METTL15: variants seen among roughly 807,000 people sequenced by gnomAD.
The protein encoded by METTL15 is methyltransferase 15, mitochondrial 12S rRNA N4-cytidine, also known as 12S rRNA N(4)-cytidine methyltransferase METTL15.
Under a neutral mutation model 38.3 loss-of-function variants are expected in METTL15, and 34 were observed. That is an observed-to-expected ratio of 0.89 (90% CI 0.68 to 1.18). METTL15 has a LOEUF of 1.18. METTL15 is among the 50% of genes most tolerant of loss of function. The pLI is 0.00. For missense variants in METTL15, 438 were observed against 498.4 expected (o/e 0.88, Z 1.15); for synonymous variants, 162 against 170.9 (o/e 0.95, Z 0.41).
At chr11:28,470,335 T>C (rs1298750816) in intron 6 of METTL15, among the ~76,000 whole-genome samples, 1 of 152,152 alleles carries the variant, frequency 6.6e-6, no homozygotes, top group Non-Finnish European at 1.5e-5. Context: ...AAAGACTATA[T>C]TTACCTGACC....
intron 4 of METTL15, among the ~76,000 whole-genome samples, chr11:28,233,650 C>G (rs1263983340): frequency 6.6e-6 from 1 of 151,902 alleles, no homozygotes; most frequent in Admixed American, 6.6e-5. Context: ...GTTACCATAA[C>G]AGTTGTTTCT....
At chr11:28,464,674 T>C (rs151122350) in intron 6 of METTL15, among the ~76,000 whole-genome samples, 181 of 152,296 alleles carry the variant, frequency 1.2e-3, no homozygotes, top group African/African-American at 4.2e-3. Flanking sequence ...CCTCAAATGC[T>C]GTCGTATGCC....
intron 6 of METTL15, among the ~76,000 whole-genome samples, chr11:28,500,594 G>A (rs977427597): frequency 2.4e-4 from 37 of 151,624 alleles, no homozygotes; most frequent in African/African-American, 8.7e-4. Context: ...GTGCAATGGC[G>A]AGATCTCGGC....
intron 6 of METTL15, among the ~76,000 whole-genome samples, chr11:28,445,325 GTCTCA>G (rs1851066304): frequency 1.3e-5 from 2 of 152,032 alleles, no homozygotes; most frequent in Admixed American, 6.5e-5. Flanking sequence ...TGTCATATTT[GTCTCA>G]TCTCTGTGTG....
intron 6 of METTL15, among the ~76,000 whole-genome samples, chr11:28,485,139 A>ACACT (rs397775439): frequency 2.0e-5 from 3 of 150,482 alleles, no homozygotes; most frequent in East Asian, 2.0e-4. Context: ...ACACACACAC[A>ACACT]CTCACACCCC....
chr11:28,281,152 A>G (rs1340753598), intron 4 of METTL15, among the ~76,000 whole-genome samples: 1 of 152,194 alleles, frequency 6.6e-6, no homozygotes, highest in African/African-American at 2.4e-5. Flanking sequence ...TTGGCAGGCA[A>G]TTCATCTAAG....
intron 6 of METTL15, among the ~76,000 whole-genome samples, chr11:28,321,222 A>G (rs142941437): frequency 1.3e-5 from 2 of 152,300 alleles, no homozygotes; most frequent in Non-Finnish European, 2.9e-5. Context: ...GCTTCTGAAC[A>G]TTTTTTAACG....
At chr11:28,518,955 G>A (rs1851741655) in intron 6 of METTL15, 1 of 152,248 alleles carries the variant, frequency 6.6e-6, no homozygotes, top group Non-Finnish European at 1.5e-5. Context: ...ATATGTATCT[G>A]TGAATGTGTG....
At chr11:28,199,667 T>C (rs1852035898) in intron 3 of METTL15, among the ~76,000 whole-genome samples, 1 of 152,096 alleles carries the variant, frequency 6.6e-6, no homozygotes, top group African/African-American at 2.4e-5. Context: ...TTGAAGTAAA[T>C]GGCTCCAATA....
At chr11:28,431,809 A>AAAAAAAAAAAAAAAAAAAAAAAG (rs1564929904) in intron 6 of METTL15, among the ~76,000 whole-genome samples, 1 of 5,572 alleles carries the variant, frequency 1.8e-4, no homozygotes. Flanking sequence ...AAAAAAAAAG[A>AAAAAAAAAAAAAAAAAAAAAAAG]AAAAAAAAAA....
chr11:28,221,701 T>A (rs1018461803), intron 4 of METTL15, among the ~76,000 whole-genome samples: 1 of 152,174 alleles, frequency 6.6e-6, no homozygotes, highest in Non-Finnish European at 1.5e-5. Flanking sequence ...CCTTTCGTCT[T>A]TGATGATGGT....
At chr11:28,380,168 C>CTTTTTT (rs34704753) in intron 5 of METTL15, among the ~76,000 whole-genome samples, 1 of 124,088 alleles carries the variant, frequency 8.1e-6, no homozygotes, top group Non-Finnish European at 1.6e-5. Context: ...CCACTTTATG[C>CTTTTTT]TTTTTTTTTT....
chr11:28,128,797 T>C (rs1324061599), intron 3 of METTL15, among the ~76,000 whole-genome samples: 1 of 152,160 alleles, frequency 6.6e-6, no homozygotes, highest in African/African-American at 2.4e-5. Context: ...ATTATTTAAT[T>C]AGTCTTAGGT....
intron 6 of METTL15, among the ~76,000 whole-genome samples, chr11:28,443,407 G>A (rs543328102): frequency 1.0e-3 from 152 of 152,166 alleles, no homozygotes; most frequent in Admixed American, 1.7e-3. Flanking sequence ...TTCCCTATCT[G>A]TATGCTCTTC....
intron 6 of METTL15, among the ~76,000 whole-genome samples, chr11:28,525,526 G>T (rs576060156): frequency 6.6e-6 from 1 of 151,946 alleles, no homozygotes; most frequent in South Asian, 2.1e-4. Flanking sequence ...AGACATAAAG[G>T]TTCTCCAAGT....
At chr11:28,247,608 A>C (rs1225291553) in intron 4 of METTL15, among the ~76,000 whole-genome samples, 1 of 152,110 alleles carries the variant, frequency 6.6e-6, no homozygotes, top group East Asian at 1.9e-4. Flanking sequence ...AAACCTAAGA[A>C]CACTTAAGAT....
chr11:28,505,655 G>A (rs1424531062), intron 6 of METTL15, among the ~76,000 whole-genome samples: 4 of 152,236 alleles, frequency 2.6e-5, no homozygotes, highest in Admixed American at 2.6e-4. Flanking sequence ...TAATAAACTT[G>A]ATGAGGGTAG....
chr11:28,333,297 T>G lies in METTL15; in HGVS notation c.*2456T>G, dbSNP rs1458411410. On this transcript the variant is annotated 3_prime_UTR_variant, in exon 7 of 7. Transcript: ENST00000407364. ...GTTTCAAAATGTTTTCATGTAAAAATAAATTAACTTTTCTGTAATTAGATT... is the reference window on the plus strand; with the variant it reads ...GTTTCAAAATGTTTTCATGTAAAAAGAAATTAACTTTTCTGTAATTAGATT... 6.6e-5 allele frequency: 10 copies of G among 152,170 alleles called. No homozygotes were observed. Among genetic ancestry groups the G allele is most frequent in the Non-Finnish European group, 1.3e-4 (9 of 68,006 alleles). 9.4% of individuals were successfully genotyped at this position (152,170 alleles called of 1,614,324 possible).
chr11:28,346,591 A>C (rs1024288591), intron 3 of METTL15, among the ~76,000 whole-genome samples: 16 of 152,156 alleles, frequency 1.1e-4, no homozygotes, highest in African/African-American at 3.9e-4. Flanking sequence ...TTTGTTATGG[A>C]TTTATAGTCT....
Sources: allele counts gnomAD v4.1 joint callset (sites outside exome capture counted in the v4.1 genomes callset), GRCh38; gene constraint gnomAD v4.1.1; transcripts MANE v1.5; gene names NCBI Gene and HGNC (gene_info 2026-07-23, HGNC 2026-07-21).